Variants in TENM4 observed in about 807,000 individuals in gnomAD.
TENM4 encodes teneurin transmembrane protein 4.
Under a neutral mutation model 243.3 loss-of-function variants are expected in TENM4, and 82 were observed. The observed-to-expected ratio is 0.34, with a 90% CI of 0.28 to 0.40. TENM4 has a LOEUF of 0.40. Ranked by LOEUF, TENM4 falls within the 10% of genes least tolerant of loss-of-function variation. The probability of loss-of-function intolerance (pLI) is 1.00; values close to 1 mark genes in which losing one functional copy is unlikely to be tolerated. For missense variants in TENM4, 3,138 were observed against 3,673.3 expected (o/e 0.85, Z 3.77); for synonymous variants, 1,412 against 1,456.3 (o/e 0.97, Z 0.69).
At position 78,657,508 on chromosome 11, in the gene TENM4, G is replaced by A. The variant is rs1186092816; in HGVS notation, c.*550C>T. ...ATGATCCTCTGGAGGCAGAGAACAA[G>A]GTGAGAAGAAATCCACCACTCTTCT... On this transcript the variant is annotated 3_prime_UTR_variant, in exon 34 of 34. Transcript: ENST00000278550. 1.7e-5 allele frequency: 5 copies of A among 293,220 alleles called. No homozygotes were observed. Among genetic ancestry groups the A allele is most frequent in the Non-Finnish European group, 3.1e-5 (5 of 159,152 alleles). The allele number at this position is 293,220 out of a possible 1,614,324, so 18.2% of individuals were successfully genotyped here.
chr11:78,732,633 G>T, intron 20 of TENM4, 56 bp from the exon 21 acceptor site: 1 of 1,520,192 alleles, frequency 6.6e-7, no homozygotes, highest in Non-Finnish European at 8.8e-7. Flanking sequence ...CAGGAACCAG[G>T]ATGAGAAAGA....
At chr11:78,952,690 A>G (rs1016580197) in intron 6 of TENM4, among the ~76,000 whole-genome samples, 2 of 152,206 alleles carry the variant, frequency 1.3e-5, no homozygotes, top group African/African-American at 4.8e-5. Context: ...TATCTCCTAA[A>G]AATGGTCTCT....
chr11:78,821,464 C>T (rs1046507086), intron 12 of TENM4, among the ~76,000 whole-genome samples: 1 of 152,186 alleles, frequency 6.6e-6, no homozygotes, highest in African/African-American at 2.4e-5. Flanking sequence ...GGCCAAGAAA[C>T]ATACTGTTTC....
At chr11:79,083,768 G>A (rs1415383512) in intron 4 of TENM4, among the ~76,000 whole-genome samples, 2 of 152,114 alleles carry the variant, frequency 1.3e-5, no homozygotes, top group Non-Finnish European at 2.9e-5. Context: ...AAGCAGTGGA[G>A]CACCATGGTT....
intron 12 of TENM4, among the ~76,000 whole-genome samples, chr11:78,823,190 C>T (rs1184855803): frequency 6.6e-6 from 1 of 152,236 alleles, no homozygotes; most frequent in Non-Finnish European, 1.5e-5. Flanking sequence ...GAGGCGAGCG[C>T]TCCCGGGAAA....
At chr11:78,698,643 C>T (rs560378515) in intron 28 of TENM4, among the ~76,000 whole-genome samples, 6 of 152,316 alleles carry the variant, frequency 3.9e-5, no homozygotes, top group Admixed American at 2.0e-4. Context: ...ATCTGTACAC[C>T]TCTAATTCTA....
At chr11:79,251,565 A>G (rs2135304636) in intron 2 of TENM4, among the ~76,000 whole-genome samples, 1 of 152,336 alleles carries the variant, frequency 6.6e-6, no homozygotes, top group African/African-American at 2.4e-5. Flanking sequence ...CCCACTGGAA[A>G]AATAAAACAA....
chr11:78,867,571 G>C (rs920528932), intron 9 of TENM4, among the ~76,000 whole-genome samples: 19 of 152,330 alleles, frequency 1.2e-4, no homozygotes, highest in African/African-American at 4.6e-4. Context: ...CTCAGCCAGA[G>C]TCTGCCCATG....
chr11:78,769,997 A>G (rs183162456), intron 18 of TENM4, among the ~76,000 whole-genome samples: 3 of 152,340 alleles, frequency 2.0e-5, no homozygotes, highest in African/African-American at 7.2e-5. Flanking sequence ...TTGATTTCCT[A>G]CCCTGTGCAA....
intron 21 of TENM4, 92 bp downstream of exon 21, chr11:78,732,224 G>C: frequency 1.3e-6 from 2 of 1,496,762 alleles, no homozygotes; most frequent in Non-Finnish European, 1.8e-6. Flanking sequence ...CCCTACAGAG[G>C]TGTTTTTTCT....
At chr11:78,794,481 C>T (rs186811848) in intron 15 of TENM4, among the ~76,000 whole-genome samples, 1 of 152,294 alleles carries the variant, frequency 6.6e-6, no homozygotes, top group Admixed American at 6.5e-5. Flanking sequence ...TTTGAAACAG[C>T]CCCCTGGCGA....
chr11:79,297,106 C>T (rs113585636), intron 2 of TENM4, among the ~76,000 whole-genome samples: 5 of 152,230 alleles, frequency 3.3e-5, no homozygotes, highest in South Asian at 2.1e-4. Context: ...TAGTCCAGAG[C>T]TCTCTGTTCT....
chr11:79,079,488 C>T (rs113984891), intron 4 of TENM4, among the ~76,000 whole-genome samples: 4,951 of 152,296 alleles, frequency 0.033, 110 homozygotes, highest in Admixed American at 0.08. Context: ...CCCAAAGTCA[C>T]GTAGGAGCCA....
intron 6 of TENM4, among the ~76,000 whole-genome samples, chr11:78,960,778 T>G (rs1433289254): frequency 1.3e-5 from 2 of 152,202 alleles, no homozygotes; most frequent in African/African-American, 4.8e-5. Flanking sequence ...GCTATAATGA[T>G]GTACTCCCAA....
intron 6 of TENM4, among the ~76,000 whole-genome samples, chr11:78,976,302 G>A (rs1205054840): frequency 1.3e-5 from 2 of 151,876 alleles, no homozygotes; most frequent in Non-Finnish European, 2.9e-5. Flanking sequence ...AATGAACCAG[G>A]CAAAAAACCA....
intron 1 of TENM4, among the ~76,000 whole-genome samples, chr11:79,357,871 T>C (rs1857523816): frequency 6.6e-6 from 1 of 152,200 alleles, no homozygotes; most frequent in Non-Finnish European, 1.5e-5. Context: ...CATATGTTTA[T>C]AGGTAAATAA....
intron 4 of TENM4, among the ~76,000 whole-genome samples, chr11:79,075,109 C>A (rs1368793069): frequency 6.6e-6 from 1 of 152,238 alleles, no homozygotes; most frequent in Non-Finnish European, 1.5e-5. Context: ...AATAATAACA[C>A]CAGCCACCAC....
intron 2 of TENM4, among the ~76,000 whole-genome samples, chr11:79,235,333 C>T (rs1325604731): frequency 6.6e-6 from 1 of 151,986 alleles, no homozygotes; most frequent in East Asian, 1.9e-4. Flanking sequence ...AATGAAGTCT[C>T]CCTGACAAGC....
At chr11:78,926,524 G>A (rs907134130) in intron 6 of TENM4, among the ~76,000 whole-genome samples, 1 of 151,860 alleles carries the variant, frequency 6.6e-6, no homozygotes, top group Non-Finnish European at 1.5e-5. Flanking sequence ...CGCCCGCCTC[G>A]GCCTCCCAAA....
Sources: gnomAD v4.1 joint callset for allele counts (sites outside exome capture counted in the v4.1 genomes callset) on GRCh38, gnomAD v4.1.1 for gene constraint, MANE v1.5 for transcripts, NCBI Gene and HGNC (gene_info 2026-07-23, HGNC 2026-07-21) for gene names.